Variants in SIMC1 observed in about 807,000 individuals in gnomAD.
SIMC1 encodes SUMO-interacting motif-containing protein 1.
SIMC1 carries 55 observed loss-of-function variants against 82.3 expected under a neutral mutation model. The ratio of observed to expected loss-of-function variants is 0.67; its 90% CI spans 0.54 to 0.84. The LOEUF (loss-of-function observed/expected upper bound fraction) is 0.84, where lower values mean the gene tolerates loss of function less well. Among genes scored for constraint, SIMC1 ranks in the 40% least tolerant of loss-of-function variants. The pLI is 0.00. For synonymous variants in SIMC1, 353 were observed against 426.3 expected (o/e 0.83, Z 2.12); for missense variants, 915 against 1,107.2 (o/e 0.83, Z 2.46).
At chr5:176,340,280 T>C (rs1175330246) in intron 9 of SIMC1, among the ~76,000 whole-genome samples, 1 of 152,182 alleles carries the variant, frequency 6.6e-6, no homozygotes, top group Non-Finnish European at 1.5e-5. Flanking sequence ...ATTGAGCTCA[T>C]GTTCTTGTTC....
At chr5:176,292,604 G>A (rs559662172) in intron 2 of SIMC1, among the ~76,000 whole-genome samples, 80 of 152,024 alleles carry the variant, frequency 5.3e-4, no homozygotes, top group African/African-American at 1.8e-3. Flanking sequence ...ACAGTGGTAC[G>A]ATCTCAGCTC....
chr5:176,271,707 A>G (rs2560189), intron 1 of SIMC1, among the ~76,000 whole-genome samples: 9 of 151,766 alleles, frequency 5.9e-5, no homozygotes, highest in South Asian at 2.1e-4. Context: ...ATACATTTCA[A>G]AATGACTGAG....
intron 1 of SIMC1, among the ~76,000 whole-genome samples, chr5:176,265,465 A>G (rs1762170054): frequency 6.6e-6 from 1 of 152,236 alleles, no homozygotes; most frequent in Non-Finnish European, 1.5e-5. Context: ...GTTTGCTGGT[A>G]TAGGTGAATC....
chr5:176,294,267 T>A (rs1170169434), intron 2 of SIMC1, among the ~76,000 whole-genome samples: 1 of 137,838 alleles, frequency 7.3e-6, no homozygotes, highest in East Asian at 2.1e-4. Flanking sequence ...CATTAAAAGT[T>A]TTTTAGATAA....
chr5:176,276,535 G>A (rs973361623), intron 1 of SIMC1, among the ~76,000 whole-genome samples: 1 of 148,574 alleles, frequency 6.7e-6, no homozygotes, highest in African/African-American at 2.5e-5. Flanking sequence ...CTGTGCTGGT[G>A]CGCTGCACCC....
At chr5:176,259,665 C>A (rs1416964184) in intron 1 of SIMC1, among the ~76,000 whole-genome samples, 1 of 150,982 alleles carries the variant, frequency 6.6e-6, no homozygotes, top group Non-Finnish European at 1.5e-5. Flanking sequence ...CCCACCTACT[C>A]TGGAGGCTGA....
intron 7 of SIMC1, among the ~76,000 whole-genome samples, chr5:176,333,264 A>G (rs1308602904): frequency 1.3e-5 from 2 of 152,172 alleles, no homozygotes; most frequent in East Asian, 3.9e-4. Context: ...AGATTGCACC[A>G]CTGCACTCCA....
intron 4 of SIMC1, among the ~76,000 whole-genome samples, chr5:176,304,044 TAGAC>T (rs1262876957): frequency 1.3e-5 from 2 of 152,006 alleles, no homozygotes; most frequent in Non-Finnish European, 2.9e-5. Context: ...AAAACAAAAA[TAGAC>T]AAATAATACT....
intron 4 of SIMC1, among the ~76,000 whole-genome samples, chr5:176,310,799 G>A (rs980438501): frequency 6.6e-6 from 1 of 152,180 alleles, no homozygotes; most frequent in Non-Finnish European, 1.5e-5. Flanking sequence ...TGCTGAAGTT[G>A]TATGGACCTA....
intron 2 of SIMC1, among the ~76,000 whole-genome samples, chr5:176,293,166 A>AGTGGCTCAC (rs778671611): frequency 2.0e-5 from 3 of 152,156 alleles, no homozygotes; most frequent in Non-Finnish European, 4.4e-5. Flanking sequence ...TGCTGGGCGC[A>AGTGGCTCAC]GTGGCTCACG....
chr5:176,334,463 T>A (rs1765799749), intron 7 of SIMC1, among the ~76,000 whole-genome samples: 1 of 152,172 alleles, frequency 6.6e-6, no homozygotes, highest in Admixed American at 6.5e-5. Flanking sequence ...CTCTCCACAC[T>A]GACTCCTTGA....
At chr5:176,270,685 T>A (rs139258378) in intron 1 of SIMC1, among the ~76,000 whole-genome samples, 1 of 152,200 alleles carries the variant, frequency 6.6e-6, no homozygotes, top group African/African-American at 2.4e-5. Flanking sequence ...AGCGAAGTGA[T>A]TGTGAGACTT....
chr5:176,307,172 T>C (rs1764461803), intron 4 of SIMC1, among the ~76,000 whole-genome samples: 1 of 152,100 alleles, frequency 6.6e-6, no homozygotes, highest in South Asian at 2.1e-4. Context: ...TGGGCAAGAA[T>C]TTGGAGAAAT....
rs748557615 is a variant in SIMC1 at position 176,290,610 on chromosome 5, C to T, written c.1086C>T (p.Asp362=). ...SSGDVTHSPR[D]IPHLPGDRPD... is the part of the protein sequence containing the mutation. ...GGGACGTGACACACTCACCTAGAGACATCCCTCACTTACCAGGAGACAGGC... is the reference window on the plus strand; with the variant it reads ...GGGACGTGACACACTCACCTAGAGATATCCCTCACTTACCAGGAGACAGGC... The change falls in exon 2 of 10, where the codon GAC becomes GAT. Residue 362 remains aspartate (D), a synonymous_variant. Transcript: ENST00000429602. 3.7e-5 allele frequency: 59 copies of T among 1,613,882 alleles called. No individual in the cohort carries two copies. The highest frequency in any genetic ancestry group is 4.7e-5 in the Non-Finnish European group (56 of 1,179,900).
At chr5:176,308,165 A>G (rs1764507523) in intron 4 of SIMC1, 15 of 1,167,124 alleles carry the variant, frequency 1.3e-5, no homozygotes. Flanking sequence ...GGAGGAAGTG[A>G]TGGGGCTGTG....
intron 4 of SIMC1, among the ~76,000 whole-genome samples, chr5:176,310,424 C>T (rs926529938): frequency 2.6e-5 from 4 of 152,194 alleles, no homozygotes; most frequent in African/African-American, 9.6e-5. Flanking sequence ...ACAACAGGTA[C>T]GTGGTTAAAC....
intron 9 of SIMC1, among the ~76,000 whole-genome samples, chr5:176,339,845 T>A (rs1766053141): frequency 6.6e-6 from 1 of 152,162 alleles, no homozygotes; most frequent in Non-Finnish European, 1.5e-5. Flanking sequence ...TTGAAAACAT[T>A]GTCCTGCAAA....
rs202054318 is a variant in SIMC1, at chr5:176,296,208, G to A, written c.1665-43G>A. On this transcript the variant is annotated intron_variant, in intron 3 of 9. Coordinates refer to ENST00000429602, the MANE Select transcript of SIMC1 (RefSeq NM_001308195.2). ...ACCTTCAGATCCTATCCCTTCTTCCGCTAAATTCTCCATAATTCTAATTGA... is the reference window on the plus strand; with the variant it reads ...ACCTTCAGATCCTATCCCTTCTTCCACTAAATTCTCCATAATTCTAATTGA... The A allele has an allele frequency of 1.2e-4, 188 of 1,597,184 alleles. No homozygotes were observed. In the East Asian group the frequency reaches 1.4e-3, roughly 11 times the overall value.
chr5:176,279,453 T>G (rs1296130326), intron 1 of SIMC1, among the ~76,000 whole-genome samples: 1 of 151,972 alleles, frequency 6.6e-6, no homozygotes. Context: ...TCTTGAAGGG[T>G]TTTTTGTGTC....
Sources: gnomAD v4.1 joint callset for allele counts (sites outside exome capture counted in the v4.1 genomes callset) on GRCh38, gnomAD v4.1.1 for gene constraint, MANE v1.5 for transcripts, NCBI Gene and HGNC (gene_info 2026-07-23, HGNC 2026-07-21) for gene names.